Variants in NGFR observed in about 807,000 individuals in gnomAD.
The protein encoded by NGFR is tumor necrosis factor receptor superfamily member 16.
In NGFR, 30 loss-of-function variants were observed where a neutral mutation model predicts 43.2. The ratio of observed to expected loss-of-function variants is 0.69; its 90% CI spans 0.52 to 0.94. NGFR has a LOEUF of 0.94. Ranked by LOEUF, NGFR falls within the 40% of genes least tolerant of loss-of-function variation. NGFR has a pLI of 0.00. For synonymous variants in NGFR, 246 were observed against 259.6 expected (o/e 0.95, Z 0.50); for missense variants, 529 against 602.5 (o/e 0.88, Z 1.28).
At position 49,514,815 on chromosome 17, in the gene NGFR, GGGGCCCCTTT is replaced by G. The variant is rs1223215294; in HGVS notation, c.*1807_*1816del. ...TATGTTTTAGCATGTGTTTGGTTCTGGGGCCCCTTTTTACTCCCCTTGAGCTGAGATGGAA... is the reference window on the plus strand; with the variant it reads ...TATGTTTTAGCATGTGTTTGGTTCTGTTACTCCCCTTGAGCTGAGATGGAA... On this transcript the variant is annotated 3_prime_UTR_variant, in exon 6 of 6. Transcript: ENST00000172229. 6 of 151,462 alleles carry G rather than the reference GGGGCCCCTTT, an allele frequency of 4.0e-5. No individual in the cohort carries two copies. The highest frequency in any genetic ancestry group is 7.4e-5 in the Non-Finnish European group (5 of 67,828). 9.4% of individuals were successfully genotyped at this position (151,462 alleles called of 1,614,324 possible). A position where few individuals can be genotyped will look rare whatever the true frequency, so the allele number is the denominator to read the frequency against.
intron 1 of NGFR, among the ~76,000 whole-genome samples, chr17:49,498,037 G>A (rs1284544461): frequency 6.6e-6 from 1 of 152,188 alleles, no homozygotes; most frequent in East Asian, 1.9e-4. Context: ...GTCCTAGCAA[G>A]GTGAATTTAG....
chr17:49,510,907 A>C, intron 4 of NGFR: 5 of 519,608 alleles, frequency 9.6e-6, no homozygotes, highest in Non-Finnish European at 1.7e-5. Flanking sequence ...TCCCACTCCC[A>C]TGCCGCACCA....
In NGFR at chr17:49,495,381, C is replaced by G; in HGVS notation, c.-37C>G. ...AGCCCCATCAGTCCGCAAAGCGGAC[C>G]GAGCTGGAAGTCGAGCGCTGCCGCG... On this transcript the variant is annotated 5_prime_UTR_variant, in exon 1 of 6. Transcript: ENST00000172229. This position sits in a 1 kb window ranked among gnomAD's most constrained non-coding sequence, Gnocchi z 6.4. 3.3e-6 allele frequency: 4 copies of G among 1,226,722 alleles called. No individual in the cohort carries two copies. The highest frequency in any genetic ancestry group is 4.1e-6 in the Non-Finnish European group (4 of 982,370). The allele number at this position is 1,226,722 out of a possible 1,614,324, so 76.0% of individuals were successfully genotyped here.
intron 1 of NGFR, 42 bp from the exon 2 acceptor site, chr17:49,502,021 C>A: frequency 7.6e-7 from 1 of 1,324,452 alleles, no homozygotes; most frequent in Admixed American, 2.5e-5. Flanking sequence ...CCCACCCCAG[C>A]TTTCTCTTGC....
At chr17:49,502,247 A>G (rs1474152510) in intron 2 of NGFR, 43 bp downstream of exon 2, 2 of 1,541,064 alleles carry the variant, frequency 1.3e-6, no homozygotes, top group Middle Eastern at 1.7e-4. Flanking sequence ...GAAGAATGGG[A>G]GGGAGGAGAG....
At chr17:49,505,986 T>C (rs1359742515) in intron 2 of NGFR, 2 of 422,078 alleles carry the variant, frequency 4.7e-6, no homozygotes, top group Non-Finnish European at 8.4e-6. Flanking sequence ...AGTACAGGCC[T>C]GGGAACTCTC....
rs1290272606 is a variant in NGFR at position 49,509,984 on chromosome 17, C to T, written c.569-428C>T. On this transcript the variant is annotated intron_variant, in intron 3 of 5. Transcript: ENST00000172229. ...GCCAGAGAGACATTTCCCAGAGTGA[C>T]TCCAGCTCAAGGCCTCCCTGTGGTC... Among the ~76,000 whole-genome samples, 6 of 152,166 alleles carry T rather than the reference C, an allele frequency of 3.9e-5. No homozygotes were observed. In the South Asian group the frequency reaches 6.2e-4, roughly 16 times the overall value.
chr17:49,500,297 A>G (rs1208946168), intron 1 of NGFR, among the ~76,000 whole-genome samples: 1 of 152,194 alleles, frequency 6.6e-6, no homozygotes. Flanking sequence ...GCTAACCAAC[A>G]GTCGCTCTCC....
At chr17:49,507,869 T>C (rs11466140) in intron 3 of NGFR, among the ~76,000 whole-genome samples, 3,255 of 152,294 alleles carry the variant, frequency 0.021, 117 homozygotes, top group African/African-American at 0.073. Flanking sequence ...GAAGGAGAGA[T>C]AGCTCTCACT....
intron 3 of NGFR, 95 bp from the exon 4 acceptor site, chr17:49,510,317 C>A: frequency 6.5e-7 from 1 of 1,539,366 alleles, no homozygotes; most frequent in Non-Finnish European, 8.8e-7. Flanking sequence ...CACCTGGAGC[C>A]AGGGCGGGGA....
At position 49,512,232 on chromosome 17, in the gene NGFR, C is replaced by T. The variant is rs915376688; in HGVS notation, c.982+180C>T. On this transcript the variant is annotated intron_variant, in intron 5 of 5. Transcript: ENST00000172229. This position sits in a 1 kb window ranked among gnomAD's most constrained non-coding sequence, Gnocchi z 5.2. ...GAGGGAGAGGTCCTCTCTAGAGGAA[C>T]GACTTGGGAAATGGAGGCTTTTACA... Among the ~76,000 whole-genome samples, 6 of 152,174 alleles carry T rather than the reference C, an allele frequency of 3.9e-5. No homozygotes were observed. The highest frequency in any genetic ancestry group is 1.4e-4 in the African/African-American group (6 of 41,426).
chr17:49,509,977 A>G (rs1330952780), intron 3 of NGFR, among the ~76,000 whole-genome samples: 2 of 152,166 alleles, frequency 1.3e-5, no homozygotes, highest in East Asian at 3.9e-4. Context: ...GACATTTCCC[A>G]GAGTGACTCC....
At chr17:49,505,969 G>A (rs2071193830) in intron 2 of NGFR, 1 of 325,974 alleles carries the variant, frequency 3.1e-6, no homozygotes, top group South Asian at 1.0e-4. Context: ...AATCATGCTG[G>A]GAACATAGTA....
At position 49,514,284 on chromosome 17, in the gene NGFR, TC is replaced by T. The variant is rs913375149; in HGVS notation, c.*1279del. The T allele has an allele frequency of 6.4e-6, 1 of 156,718 alleles. No individual in the cohort carries two copies. Among genetic ancestry groups the T allele is most frequent in the African/African-American group, 2.4e-5 (1 of 41,516 alleles). 9.7% of individuals were successfully genotyped at this position (156,718 alleles called of 1,614,324 possible). On this transcript the variant is annotated 3_prime_UTR_variant, in exon 6 of 6. Transcript: ENST00000172229. ...CACGTGGAGGAATGCTCCCCCATCC[TC>T]CCCTTCCCTGCAAACATGGGGTTGG...
chr17:49,509,032 T>C (rs940218293), intron 3 of NGFR, among the ~76,000 whole-genome samples: 10 of 152,222 alleles, frequency 6.6e-5, no homozygotes, highest in Admixed American at 6.5e-4. Context: ...AGTCCAATGC[T>C]CCACCTGGGG....
intron 1 of NGFR, among the ~76,000 whole-genome samples, chr17:49,499,063 A>C (rs2071153525): frequency 1.3e-5 from 2 of 152,236 alleles, no homozygotes; most frequent in Non-Finnish European, 2.9e-5. Flanking sequence ...TAGGGAAATT[A>C]AGTAATTTAC....
chr17:49,513,166 C>T lies in NGFR; in HGVS notation c.*157C>T. 1.4e-6 allele frequency: 1 copy of T among 738,900 alleles called. No individual in the cohort carries two copies. The highest frequency in any genetic ancestry group is 1.8e-5 in the African/African-American group (1 of 56,356). 45.8% of individuals were successfully genotyped at this position (738,900 alleles called of 1,614,324 possible). A position where few individuals can be genotyped will look rare whatever the true frequency, so the allele number is the denominator to read the frequency against. On this transcript the variant is annotated 3_prime_UTR_variant, in exon 6 of 6. Transcript: ENST00000172229. ...CAGAGTCCAGGCCCCAAAACCACAG[C>T]CCTGTCAGTGCAGCCCGTGTGGCCC...
Position 49,513,105 on chromosome 17 carries a change from C to T in NGFR, c.*96C>T. 7.6e-7 allele frequency: 1 copy of T among 1,320,172 alleles called. No individual in the cohort carries two copies. Among genetic ancestry groups the T allele is most frequent in the Non-Finnish European group, 1.0e-6 (1 of 994,148 alleles). The allele number at this position is 1,320,172 out of a possible 1,614,324, so 81.8% of individuals were successfully genotyped here. A position where few individuals can be genotyped will look rare whatever the true frequency, so the allele number is the denominator to read the frequency against. The stretch of plus-strand genomic sequence containing the variant: ...CGCACCCCCACCCTTTGGGGGGGGC[C>T]CGCCTGGCAGAACTGAGCTCCTCTG... On this transcript the variant is annotated 3_prime_UTR_variant, in exon 6 of 6. Coordinates refer to ENST00000172229, the MANE Select transcript of NGFR (RefSeq NM_002507.4).
rs747553615 is a variant in NGFR, at chr17:49,506,417, C to A, written c.327C>A (p.Cys109Ter). Residue 109 changes from cysteine to a stop codon, truncating the protein, a stop_gained, in exon 3 of 6, where the codon TGC becomes TGA. Transcript: ENST00000172229. LOFTEE classifies it high-confidence loss of function. ...CVEADDAVCR[C>*]AYGYYQDETT... ...AGGCCGACGACGCCGTGTGCCGCTG[C>A]GCCTACGGCTACTACCAGGATGAGA... 6.2e-7 allele frequency: 1 copy of A among 1,605,466 alleles called. No homozygotes were observed. The highest frequency in any genetic ancestry group is 1.1e-5 in the South Asian group (1 of 90,950).
Sources: allele counts gnomAD v4.1 joint callset (sites outside exome capture counted in the v4.1 genomes callset), GRCh38; gene constraint gnomAD v4.1.1; non-coding constraint Gnocchi (gnomAD v3.1); transcripts MANE v1.5; gene names NCBI Gene and HGNC (gene_info 2026-07-23, HGNC 2026-07-21).